SUGCT: variants seen among roughly 807,000 people sequenced by gnomAD.
The protein encoded by SUGCT is succinyl-CoA:glutarate CoA-transferase.
SUGCT carries 41 observed loss-of-function variants against 55.0 expected under a neutral mutation model. The ratio of observed to expected loss-of-function variants is 0.74; its 90% CI spans 0.58 to 0.97. SUGCT has a LOEUF of 0.97. Among genes scored for constraint, SUGCT ranks in the 50% least tolerant of loss-of-function variants. SUGCT has a pLI of 0.00. For synonymous variants in SUGCT, 187 were observed against 200.4 expected, an observed-to-expected ratio of 0.93 and a Z score of 0.56; for missense variants, 568 against 547.8, an observed-to-expected ratio of 1.04 and a Z score of -0.37.
At chr7:40,957,751 A>T in the SUGCT span, among the ~76,000 whole-genome samples, 14 of 151,856 alleles carry the variant, frequency 9.2e-5, no homozygotes, top group East Asian at 2.3e-3. Context: ...CAGTTTCTTC[A>T]TAGTTTCGGT....
intron 9 of SUGCT, among the ~76,000 whole-genome samples, chr7:40,343,048 A>G (rs1284940995): frequency 6.6e-6 from 1 of 152,208 alleles, no homozygotes; most frequent in Non-Finnish European, 1.5e-5. Context: ...TTCTATGTGA[A>G]GTAATGACTG....
intron 12 of SUGCT, among the ~76,000 whole-genome samples, chr7:40,598,869 AT>A (rs1465960713): frequency 1.3e-5 from 2 of 152,340 alleles, no homozygotes; most frequent in East Asian, 3.9e-4. Context: ...GAGGGTTGAC[AT>A]TTGAGAGAGA....
intron 12 of SUGCT, among the ~76,000 whole-genome samples, chr7:40,714,732 T>G (rs1785923613): frequency 6.6e-6 from 1 of 152,240 alleles, no homozygotes; most frequent in African/African-American, 2.4e-5. Flanking sequence ...CTCTAGACAT[T>G]TTTAAAGCTG....
rs1796376977 is a variant in SUGCT, at chr7:40,332,506, T to TA, written c.816+15655dup. ...TTAAGATATATTTCTAGTCATTGTTTAAAATGCATCTCAAGAAACTTTAGA... is the reference window on the plus strand; with the variant it reads ...TTAAGATATATTTCTAGTCATTGTTTAAAAATGCATCTCAAGAAACTTTAGA... On this transcript the variant is annotated intron_variant, in intron 9 of 13. Coordinates refer to ENST00000335693, the MANE Select transcript of SUGCT (RefSeq NM_001193313.2). 2.0e-5 allele frequency among the ~76,000 whole-genome samples: 3 copies of TA among 151,920 alleles called. No individual in the cohort carries two copies. The South Asian group carries it at 6.2e-4, about 32-fold the overall frequency.
the SUGCT span, among the ~76,000 whole-genome samples, chr7:40,903,041 T>TC: frequency 2.7e-5 from 4 of 150,880 alleles, no homozygotes; most frequent in African/African-American, 7.3e-5. Context: ...TCTTTTCTTT[T>TC]TTTTTTTTTG....
chr7:40,978,056 C>A, the SUGCT span, among the ~76,000 whole-genome samples: 2 of 152,284 alleles, frequency 1.3e-5, no homozygotes, highest in African/African-American at 4.8e-5. Context: ...ATAGCCCCTG[C>A]AGTGTCTTTG....
chr7:40,921,461 A>G, the SUGCT span, among the ~76,000 whole-genome samples: 1 of 152,198 alleles, frequency 6.6e-6, no homozygotes, highest in Non-Finnish European at 1.5e-5. Context: ...GGCCATGTGC[A>G]CCTTCGTACT....
chr7:40,380,041 C>T (rs1744506950), intron 9 of SUGCT, among the ~76,000 whole-genome samples: 1 of 152,160 alleles, frequency 6.6e-6, no homozygotes, highest in Admixed American at 6.5e-5. Flanking sequence ...TGGTTGTTAA[C>T]AGTGGGAGAA....
rs148530874 is a variant in SUGCT, at chr7:40,491,817, C to T, written c.987-4467C>T. Among the ~76,000 whole-genome samples, 390 of 152,144 alleles carry T rather than the reference C, an allele frequency of 2.6e-3. 1 individual carries two copies. The highest frequency in any genetic ancestry group is 9.1e-3 in the African/African-American group (379 of 41,490). On this transcript the variant is annotated intron_variant, in intron 11 of 13. Transcript: ENST00000335693. Reference sequence around the variant, plus strand: ...ACCAGTCTGGCAAACATGGTGTAACCTGTCTCTACTAAAAATACAAAAATT... The same window carrying T: ...ACCAGTCTGGCAAACATGGTGTAACTTGTCTCTACTAAAAATACAAAAATT...
At chr7:40,367,136 A>G (rs1231541972) in intron 9 of SUGCT, among the ~76,000 whole-genome samples, 1 of 152,040 alleles carries the variant, frequency 6.6e-6, no homozygotes, top group Non-Finnish European at 1.5e-5. Context: ...GAAATTGGAA[A>G]TCATCATTCT....
intron 13 of SUGCT, among the ~76,000 whole-genome samples, chr7:40,777,034 G>T (rs769886067): frequency 1.3e-5 from 2 of 152,182 alleles, no homozygotes; most frequent in South Asian, 4.1e-4. Flanking sequence ...GACAATCTTA[G>T]AAGCTCTATT....
chr7:40,681,039 A>G (rs1181585444), intron 12 of SUGCT, among the ~76,000 whole-genome samples: 3 of 152,196 alleles, frequency 2.0e-5, no homozygotes, highest in South Asian at 4.1e-4. Context: ...AATACACCTC[A>G]GATACTGGGA....
At chr7:40,880,368 C>G in the SUGCT span, among the ~76,000 whole-genome samples, 2 of 152,122 alleles carry the variant, frequency 1.3e-5, no homozygotes, top group Non-Finnish European at 2.9e-5. Context: ...CTGACTAACC[C>G]ACTTCTACTA....
intron 9 of SUGCT, among the ~76,000 whole-genome samples, chr7:40,397,661 T>G (rs1297429117): frequency 6.6e-6 from 1 of 152,192 alleles, no homozygotes; most frequent in Non-Finnish European, 1.5e-5. Flanking sequence ...GTACCTATGT[T>G]TGAATACGTA....
chr7:40,228,683 C>T (rs1378659051), intron 6 of SUGCT, among the ~76,000 whole-genome samples: 1 of 152,084 alleles, frequency 6.6e-6, no homozygotes, highest in Non-Finnish European at 1.5e-5. Flanking sequence ...TATTCTAGTT[C>T]TATCATTCCT....
the SUGCT span, among the ~76,000 whole-genome samples, chr7:40,868,408 C>T: frequency 2.0e-5 from 3 of 152,264 alleles, no homozygotes; most frequent in South Asian, 4.1e-4. Flanking sequence ...TGAGTGAGAA[C>T]ATGCGGTGTT....
chr7:40,283,552 A>T (rs542059893), intron 8 of SUGCT, among the ~76,000 whole-genome samples: 1 of 152,032 alleles, frequency 6.6e-6, no homozygotes, highest in Non-Finnish European at 1.5e-5. Flanking sequence ...AACAAGACAT[A>T]CAAGTGGCCA....
intron 1 of SUGCT, among the ~76,000 whole-genome samples, chr7:40,138,200 T>C (rs1409236829): frequency 6.6e-6 from 1 of 152,158 alleles, no homozygotes; most frequent in Non-Finnish European, 1.5e-5. Flanking sequence ...TCTGCTTCCA[T>C]ATGTACGCAT....
chr7:40,202,004 G>A (rs1786634248), intron 6 of SUGCT, among the ~76,000 whole-genome samples: 1 of 151,908 alleles, frequency 6.6e-6, no homozygotes, highest in Admixed American at 6.6e-5. Flanking sequence ...AACAGGGTCT[G>A]GCTCTGTTGC....
Sources: gnomAD v4.1 joint callset for allele counts (sites outside exome capture counted in the v4.1 genomes callset) on GRCh38, gnomAD v4.1.1 for gene constraint, MANE v1.5 for transcripts, NCBI Gene and HGNC (gene_info 2026-07-23, HGNC 2026-07-21) for gene names.